Variants in RBBP8 observed in about 807,000 individuals in gnomAD.
RBBP8 encodes the protein RB binding protein 8, endonuclease, also known as DNA endonuclease RBBP8.
RBBP8 carries 88 observed loss-of-function variants against 108.3 expected under a neutral mutation model. The ratio of observed to expected loss-of-function variants is 0.81; its 90% CI spans 0.68 to 0.97. RBBP8 has a LOEUF of 0.97. RBBP8 is among the 50% of genes least tolerant of loss of function. RBBP8 has a pLI of 0.00. For synonymous variants in RBBP8, 332 were observed against 348.2 expected (o/e 0.95, Z 0.52); for missense variants, 1,023 against 1,049.0 (o/e 0.98, Z 0.34).
chr18:22,946,313 A>C (rs1210600085), intron 2 of RBBP8, 131 bp from the exon 3 acceptor site: 10 of 1,211,708 alleles, frequency 8.3e-6, no homozygotes, highest in Non-Finnish European at 1.2e-5. Context: ...AGTACACGTA[A>C]GGGGCATATA....
intron 6 of RBBP8, among the ~76,000 whole-genome samples, chr18:22,979,527 T>A (rs888914105): frequency 6.6e-6 from 1 of 152,190 alleles, no homozygotes; most frequent in African/African-American, 2.4e-5. Flanking sequence ...TTCATACAGT[T>A]CTCACTATAT....
intron 9 of RBBP8, 151 bp from the exon 10 acceptor site, chr18:22,990,786 A>G (rs1472970365): frequency 3.3e-6 from 2 of 610,592 alleles, no homozygotes; most frequent in African/African-American, 1.9e-5. Flanking sequence ...AATATTTCAT[A>G]TAAATGGAAT....
chr18:22,917,354 C>G (rs1018233780), intron 3 of RBBP8, among the ~76,000 whole-genome samples: 1 of 152,188 alleles, frequency 6.6e-6, no homozygotes, highest in African/African-American at 2.4e-5. Context: ...GTCTGAATAA[C>G]TCTGCTACAA....
Position 22,984,946 on chromosome 18 carries a change from T to A in RBBP8, c.665T>A (p.Ile222Asn). The part of the protein sequence containing the change: ...HPQHNPNENE[I>N]LVADTYDQSQ... The stretch of plus-strand genomic sequence containing the variant: ...CAACATAATCCTAATGAAAATGAAA[T>A]TCTAGTAGCTGACACTTATGACCAA... Residue 222 changes from isoleucine to asparagine, a missense_variant, in exon 8 of 19, where the codon ATT (isoleucine) becomes AAT (asparagine). Ile to Asn is a moderately radical substitution (Grantham distance 149). Transcript: ENST00000327155. 1 of 1,611,888 alleles carries A rather than the reference T, an allele frequency of 6.2e-7. No individual in the cohort carries two copies. The highest frequency in any genetic ancestry group is 2.2e-5 in the East Asian group (1 of 44,686).
At chr18:22,923,930 A>G (rs1281082353) in intron 3 of RBBP8, among the ~76,000 whole-genome samples, 7 of 152,164 alleles carry the variant, frequency 4.6e-5, no homozygotes, top group Non-Finnish European at 1.0e-4. Context: ...GTAAAAAAGC[A>G]TATGTGCCAA....
In RBBP8 at chr18:23,010,598, CA is replaced by C. The variant is rs1284247283; in HGVS notation, c.2357+4177del. On this transcript the variant is annotated intron_variant, in intron 16 of 18. Coordinates refer to ENST00000327155, the MANE Select transcript of RBBP8 (RefSeq NM_002894.3). ...GGCCAACAGAGTGAGACCCTGTCTC[CA>C]AAAAAAAAAAGAACTGTCATTTTAA... 4.6e-3 allele frequency among the ~76,000 whole-genome samples: 613 copies of C among 134,200 alleles called. 3 individuals are homozygous for C. The highest frequency in any genetic ancestry group is 0.015 in the African/African-American group (538 of 36,584). 88.0% of individuals were successfully genotyped at this position (134,200 alleles called of 152,430 possible).
chr18:22,922,397 C>G (rs955477366), intron 3 of RBBP8, among the ~76,000 whole-genome samples: 1 of 151,988 alleles, frequency 6.6e-6, no homozygotes, highest in Non-Finnish European at 1.5e-5. Flanking sequence ...GAAGAGTGCA[C>G]AGCAAATACA....
Position 22,956,209 on chromosome 18 carries a change from A to G in RBBP8, c.248+6496A>G, listed in dbSNP as rs77993693. Among the ~76,000 whole-genome samples the G allele has an allele frequency of 3.1e-3, 467 of 152,164 alleles. 4 individuals are homozygous for G. The highest frequency in any genetic ancestry group is 6.8e-3 in the Middle Eastern group (2 of 294). ...TTATTTAAAATTTTCTTTTAGTTCT[A>G]TGTCATATGTAAGAATGATTATCTA... On this transcript the variant is annotated intron_variant, in intron 4 of 18. Coordinates refer to ENST00000327155, the MANE Select transcript of RBBP8 (RefSeq NM_002894.3).
At chr18:23,022,651 T>TATAAAATAAA (rs1555650123) in intron 18 of RBBP8, among the ~76,000 whole-genome samples, 1 of 84,378 alleles carries the variant, frequency 1.2e-5, no homozygotes, top group Non-Finnish European at 2.3e-5. Flanking sequence ...TAAAATACAA[T>TATAAAATAAA]ATAAAATAAA....
chr18:22,927,460 C>T (rs1346543226), intron 3 of RBBP8, among the ~76,000 whole-genome samples: 1 of 152,068 alleles, frequency 6.6e-6, no homozygotes, highest in African/African-American at 2.4e-5. Context: ...CTCATTTGTT[C>T]ACTCATTGAT....
At chr18:22,956,509 T>C (rs1912559059) in intron 4 of RBBP8, among the ~76,000 whole-genome samples, 1 of 152,208 alleles carries the variant, frequency 6.6e-6, no homozygotes. Flanking sequence ...GGCTAATTTT[T>C]TTGTTTTTAT....
Position 22,989,103 on chromosome 18 carries a change from C to T in RBBP8, c.710-118C>T, listed in dbSNP as rs547987869. On this transcript the variant is annotated intron_variant, in intron 8 of 18. Transcript: ENST00000327155. Reference sequence around the variant, plus strand: ...ACAGAATTTTAAAATGTGTCTAGTGCCATCTTATGAAGTGTGAGCCTTTTC... The same window carrying T: ...ACAGAATTTTAAAATGTGTCTAGTGTCATCTTATGAAGTGTGAGCCTTTTC... The T allele has an allele frequency of 2.0e-3, 1,356 of 685,384 alleles. 3 individuals carry two copies. The highest frequency in any genetic ancestry group is 2.4e-3 in the Non-Finnish European group (981 of 411,532). 42.5% of individuals were successfully genotyped at this position (685,384 alleles called of 1,614,324 possible). A position where few individuals can be genotyped will look rare whatever the true frequency, so the allele number is the denominator to read the frequency against.
At position 23,026,159 on chromosome 18, in the gene RBBP8, T is replaced by G. The variant is rs140270739; in HGVS notation, c.2613T>G (p.Asp871Glu). The G allele has an allele frequency of 5.5e-5, 89 of 1,613,330 alleles. No homozygotes were observed. Among genetic ancestry groups the G allele is most frequent in the Non-Finnish European group, 7.5e-5 (88 of 1,179,494 alleles). ...GTTTTTAAGGTTATATTAAGGAAGA[T>G]CTTGATCCTTGTCCTCGTCCAAAAA... ...TCMERGYIKE[D>E]LDPCPRPKRR... The change falls in exon 19 of 19, where the codon GAT becomes GAG. Residue 871 changes from aspartate to glutamate, a missense_variant. Coordinates refer to ENST00000327155, the MANE Select transcript of RBBP8 (RefSeq NM_002894.3).
At chr18:22,970,109 T>A (rs1913959732) in intron 5 of RBBP8, among the ~76,000 whole-genome samples, 2 of 152,224 alleles carry the variant, frequency 1.3e-5, no homozygotes, top group South Asian at 4.1e-4. Flanking sequence ...TTCCTTATAA[T>A]ACCAAATGCA....
intron 10 of RBBP8, 56 bp from the exon 11 acceptor site, chr18:22,992,692 A>G: frequency 6.9e-7 from 1 of 1,459,044 alleles, no homozygotes; most frequent in East Asian, 2.3e-5. Context: ...TCTAAGAGGT[A>G]GATAAGACCT....
intron 14 of RBBP8, among the ~76,000 whole-genome samples, chr18:23,000,596 G>A (rs1291361015): frequency 6.6e-6 from 1 of 151,906 alleles, no homozygotes; most frequent in African/African-American, 2.4e-5. Context: ...ACAAACATTA[G>A]CCGGGTATGG....
At chr18:22,968,379 G>A (rs538539105) in intron 4 of RBBP8, among the ~76,000 whole-genome samples, 1 of 152,160 alleles carries the variant, frequency 6.6e-6, no homozygotes, top group Admixed American at 6.5e-5. Context: ...CCAATGATTG[G>A]CAAATAAATT....
chr18:22,947,651 G>C (rs1911682617), intron 3 of RBBP8, among the ~76,000 whole-genome samples: 1 of 152,074 alleles, frequency 6.6e-6, no homozygotes, highest in African/African-American at 2.4e-5. Flanking sequence ...GATTGGTGTA[G>C]TAATAACTCT....
chr18:22,977,494 T>A (rs1439299078), intron 6 of RBBP8, among the ~76,000 whole-genome samples: 1 of 152,182 alleles, frequency 6.6e-6, no homozygotes, highest in African/African-American at 2.4e-5. Flanking sequence ...AGCTAGGTAT[T>A]GAGGTCATCA....
Sources: allele counts gnomAD v4.1 joint callset (sites outside exome capture counted in the v4.1 genomes callset), GRCh38; gene constraint gnomAD v4.1.1; transcripts MANE v1.5; gene names NCBI Gene and HGNC (gene_info 2026-07-23, HGNC 2026-07-21).